Variants in RGS22 observed in about 807,000 individuals in gnomAD.
RGS22 encodes the protein regulator of G-protein signaling 22.
In RGS22, 148 loss-of-function variants were observed where a neutral mutation model predicts 172.9. The observed-to-expected ratio is 0.86, with a 90% CI of 0.75 to 0.98. The LOEUF is 0.98. RGS22 is among the 50% of genes least tolerant of loss of function. The pLI, the probability that RGS22 is intolerant of heterozygous loss-of-function variation, is 0.00. For synonymous variants in RGS22, 458 were observed against 480.2 expected, an observed-to-expected ratio of 0.95 and a Z score of 0.60; for missense variants, 1,347 against 1,440.8, an observed-to-expected ratio of 0.93 and a Z score of 1.05.
chr8:100,021,022 C>G (rs1055200979), intron 14 of RGS22, among the ~76,000 whole-genome samples: 2 of 152,142 alleles, frequency 1.3e-5, no homozygotes, highest in Non-Finnish European at 2.9e-5. Context: ...GCTGCTTTTT[C>G]CCCTAGAGAT....
At position 100,029,889 on chromosome 8, in the gene RGS22, T is replaced by C. The variant is rs372153875; in HGVS notation, c.2166+9042A>G. ...ATTTTGTAAAACACAAATATAATGT[T>C]TAATAATACAAAAACATAATCTTAA... On this transcript the variant is annotated intron_variant, in intron 14 of 27. Transcript: ENST00000360863. Among the ~76,000 whole-genome samples, 5 of 152,152 alleles carry C rather than the reference T, an allele frequency of 3.3e-5. No homozygotes were observed. The South Asian group carries it at 1.0e-3, about 32-fold the overall frequency.
Position 100,062,739 on chromosome 8 carries a change from T to C in RGS22, c.1366A>G (p.Met456Val). The C allele has an allele frequency of 1.3e-6, 2 of 1,599,098 alleles. No homozygotes were observed. The highest frequency in any genetic ancestry group is 8.5e-7 in the Non-Finnish European group (1 of 1,174,554). The change falls in exon 9 of 28, where the codon ATG (methionine) becomes GTG (valine). Residue 456 changes from methionine (M) to valine (V), a missense_variant. By Grantham distance (21) the Met-to-Val change is conservative (BLOSUM62 1). Coordinates refer to ENST00000360863, the MANE Select transcript of RGS22 (RefSeq NM_015668.5). ...PGRHQRHLEK[M>V]KKCYLVSNGD... ...TTGCTCACTAGATAGCATTTTTTCA[T>C]CTTCTCAAGATGTCTGAAATAAAAC...
At chr8:100,098,358 A>G (rs1813146241) in intron 2 of RGS22, among the ~76,000 whole-genome samples, 1 of 152,234 alleles carries the variant, frequency 6.6e-6, no homozygotes, top group Non-Finnish European at 1.5e-5. Context: ...ACTAATTAAA[A>G]GAAGAGATAT....
rs1245783464 is a variant in RGS22, at chr8:100,060,421, T to TATATATACAC, written c.1514+2169_1514+2170insGTGTATATAT. Among the ~76,000 whole-genome samples, 96 of 119,504 alleles carry TATATATACAC rather than the reference T, an allele frequency of 8.0e-4. 1 individual carries two copies. Among genetic ancestry groups the TATATATACAC allele is most frequent in the African/African-American group, 2.6e-3 (89 of 34,590 alleles). The allele number at this position is 119,504 out of a possible 152,430, so 78.4% of individuals were successfully genotyped here. On this transcript the variant is annotated intron_variant, in intron 9 of 27. Coordinates refer to ENST00000360863, the MANE Select transcript of RGS22 (RefSeq NM_015668.5). The stretch of plus-strand genomic sequence containing the variant: ...CTACGTGTATATATATATATATATA[T>TATATATACAC]ACACACACACACACACACACGCACC...
chr8:100,035,472 G>A (rs1208766286), intron 14 of RGS22, among the ~76,000 whole-genome samples: 1 of 152,206 alleles, frequency 6.6e-6, no homozygotes, highest in African/African-American at 2.4e-5. Flanking sequence ...AGATGCTGGA[G>A]AGGATGTGGA....
chr8:100,003,875 A>G (rs762600007), intron 17 of RGS22, 51 bp downstream of exon 17: 2 of 1,413,330 alleles, frequency 1.4e-6, no homozygotes, highest in East Asian at 2.4e-5. Flanking sequence ...AATCAAAAAT[A>G]GTAGCTTAGA....
chr8:100,033,856 A>G (rs1164004717), intron 14 of RGS22, among the ~76,000 whole-genome samples: 1 of 152,210 alleles, frequency 6.6e-6, no homozygotes, highest in African/African-American at 2.4e-5. Context: ...AGAAACAATC[A>G]CAAAAACCAG....
At chr8:99,978,108 A>G in intron 22 of RGS22, 33 bp from the exon 23 acceptor site, 6 of 1,288,818 alleles carry the variant, frequency 4.7e-6, no homozygotes, top group Non-Finnish European at 6.3e-6. Context: ...TTACAATTTT[A>G]TACAAAGGTA....
chr8:99,988,393 C>A (rs1813338632), intron 20 of RGS22, among the ~76,000 whole-genome samples: 1 of 151,898 alleles, frequency 6.6e-6, no homozygotes, highest in South Asian at 2.1e-4. Context: ...AAATTTTGCC[C>A]ATTTAAAATC....
intron 23 of RGS22, among the ~76,000 whole-genome samples, chr8:99,970,341 AC>A (rs1434236537): frequency 6.6e-6 from 1 of 152,204 alleles, no homozygotes; most frequent in Non-Finnish European, 1.5e-5. Context: ...GAAAGAACAA[AC>A]AAATTCAAAA....
Position 100,106,042 on chromosome 8 carries a change from G to C in RGS22, c.-121C>G. The C allele has an allele frequency of 2.6e-6, 3 of 1,175,130 alleles. No individual in the cohort carries two copies. The highest frequency in any genetic ancestry group is 3.9e-5 in the East Asian group (1 of 25,798). 72.8% of individuals were successfully genotyped at this position (1,175,130 alleles called of 1,614,324 possible). ...GCGCGCGGGCTCCGGAGCTACGCTG[G>C]CTAGCGTGGCCGGCGCCGCGCCGGG... On this transcript the variant is annotated 5_prime_UTR_variant, in exon 1 of 28. Coordinates refer to ENST00000360863, the MANE Select transcript of RGS22 (RefSeq NM_015668.5).
chr8:100,086,011 T>C (rs888646496), intron 3 of RGS22, among the ~76,000 whole-genome samples: 6 of 152,000 alleles, frequency 3.9e-5, no homozygotes, highest in Admixed American at 2.6e-4. Context: ...TTCTGGAAAT[T>C]AAGGAAGATG....
chr8:99,994,868 T>C (rs915488692), intron 20 of RGS22, among the ~76,000 whole-genome samples: 4 of 152,006 alleles, frequency 2.6e-5, no homozygotes, highest in African/African-American at 7.2e-5. Context: ...TCAAACTACA[T>C]TGCAAGTCTA....
intron 23 of RGS22, among the ~76,000 whole-genome samples, chr8:99,977,270 A>ATTTCTTTTTT (rs1428079850): frequency 1.0e-4 from 12 of 120,390 alleles, no homozygotes; most frequent in Non-Finnish European, 1.9e-4. Context: ...CGCCCGGTTA[A>ATTTCTTTTTT]TTTTTTTTTT....
At chr8:99,982,216 A>G in intron 21 of RGS22, 100 bp from the exon 22 acceptor site, 1 of 904,538 alleles carries the variant, frequency 1.1e-6, no homozygotes, top group Non-Finnish European at 1.6e-6. Flanking sequence ...ATGCATTTCA[A>G]CTTTAGGTCA....
At chr8:100,085,319 C>T (rs1812084130) in intron 3 of RGS22, among the ~76,000 whole-genome samples, 1 of 152,066 alleles carries the variant, frequency 6.6e-6, no homozygotes, top group African/African-American at 2.4e-5. Context: ...CAATACAGGG[C>T]ATCCTCCACA....
intron 3 of RGS22, among the ~76,000 whole-genome samples, chr8:100,089,700 A>T (rs1812425812): frequency 6.6e-6 from 1 of 152,134 alleles, no homozygotes; most frequent in Non-Finnish European, 1.5e-5. Flanking sequence ...GCTCCAGACT[A>T]ATATTTTTCT....
intron 2 of RGS22, among the ~76,000 whole-genome samples, chr8:100,094,849 G>A (rs923091629): frequency 6.6e-6 from 1 of 152,150 alleles, no homozygotes; most frequent in African/African-American, 2.4e-5. Context: ...TCTGAATTCT[G>A]GGTAGAAGGC....
chr8:100,055,265 CT>C (rs1046090735), intron 9 of RGS22, among the ~76,000 whole-genome samples: 1 of 152,212 alleles, frequency 6.6e-6, no homozygotes, highest in African/African-American at 2.4e-5. Flanking sequence ...CTGCACTCCA[CT>C]CCCAGCTTTA....
Sources: gnomAD v4.1 joint callset for allele counts (sites outside exome capture counted in the v4.1 genomes callset) on GRCh38, gnomAD v4.1.1 for gene constraint, MANE v1.5 for transcripts, NCBI Gene and HGNC (gene_info 2026-07-23, HGNC 2026-07-21) for gene names.